Variants in ADAMTS6 observed in about 807,000 individuals in gnomAD.
ADAMTS6 encodes A disintegrin and metalloproteinase with thrombospondin motifs 6.
Under a neutral mutation model 144.3 loss-of-function variants are expected in ADAMTS6, and 23 were observed. The observed-to-expected ratio is 0.16, with a 90% CI of 0.11 to 0.23. The LOEUF is 0.23. ADAMTS6 is among the 10% of genes least tolerant of loss of function. The pLI is 1.00. For synonymous variants in ADAMTS6, 444 were observed against 457.5 expected (o/e 0.97, Z 0.38); for missense variants, 999 against 1,379.6 (o/e 0.72, Z 4.37).
At chr5:65,343,305 T>C (rs1479301421) in intron 7 of ADAMTS6, among the ~76,000 whole-genome samples, 1 of 152,066 alleles carries the variant, frequency 6.6e-6, no homozygotes, top group Non-Finnish European at 1.5e-5. Flanking sequence ...ATTACGAAGC[T>C]GCAGTAACCA....
intron 20 of ADAMTS6, among the ~76,000 whole-genome samples, chr5:65,200,828 C>T (rs548742889): frequency 3.2e-4 from 48 of 151,840 alleles, no homozygotes; most frequent in Non-Finnish European, 6.5e-4. Flanking sequence ...TACTTTAAAC[C>T]CTCTACAAAA....
chr5:65,303,104 A>G (rs1743596971), intron 9 of ADAMTS6, among the ~76,000 whole-genome samples: 2 of 152,144 alleles, frequency 1.3e-5, no homozygotes, highest in Admixed American at 1.3e-4. Flanking sequence ...TTTTAATTAA[A>G]CCATATCAGG....
At chr5:65,331,349 T>C (rs919020131) in intron 8 of ADAMTS6, among the ~76,000 whole-genome samples, 6 of 152,074 alleles carry the variant, frequency 3.9e-5, no homozygotes, top group Non-Finnish European at 7.4e-5. Context: ...GTATTTTCAA[T>C]TGAGAATTCT....
chr5:65,361,739 T>C (rs1236056115), intron 7 of ADAMTS6, among the ~76,000 whole-genome samples: 1 of 151,966 alleles, frequency 6.6e-6, no homozygotes, highest in African/African-American at 2.4e-5. Context: ...TTTTTCTTTT[T>C]CTTTTTTTTT....
chr5:65,301,840 G>C (rs908441403), intron 9 of ADAMTS6, among the ~76,000 whole-genome samples: 2 of 151,964 alleles, frequency 1.3e-5, no homozygotes, highest in African/African-American at 4.8e-5. Context: ...TGTAATCCCA[G>C]CGCTTTGCGA....
At chr5:65,175,355 A>G (rs1232112692) in intron 22 of ADAMTS6, among the ~76,000 whole-genome samples, 1 of 152,000 alleles carries the variant, frequency 6.6e-6, no homozygotes, top group African/African-American at 2.4e-5. Context: ...AAAGTCAAAG[A>G]GAGAAAGAAA....
intron 8 of ADAMTS6, among the ~76,000 whole-genome samples, chr5:65,333,563 A>G (rs1189965880): frequency 2.0e-5 from 3 of 151,740 alleles, no homozygotes; most frequent in Non-Finnish European, 4.4e-5. Context: ...AATTGTACCA[A>G]AAAAAGTATT....
intron 11 of ADAMTS6, among the ~76,000 whole-genome samples, chr5:65,276,015 G>A (rs1297450986): frequency 1.4e-5 from 2 of 144,758 alleles, no homozygotes; most frequent in African/African-American, 5.1e-5. Context: ...AAAACTAAGC[G>A]ATGAAAGTTC....
chr5:65,280,447 C>A (rs913795230), intron 11 of ADAMTS6, among the ~76,000 whole-genome samples: 1 of 152,148 alleles, frequency 6.6e-6, no homozygotes, highest in African/African-American at 2.4e-5. Flanking sequence ...AGCCACTAAG[C>A]CAACCACCAT....
chr5:65,224,782 TA>T, intron 17 of ADAMTS6, 141 bp downstream of exon 17: 1 of 958,806 alleles, frequency 1.0e-6, no homozygotes, highest in Non-Finnish European at 1.5e-6. Context: ...CATTTAACAC[TA>T]AAATGACTGA....
chr5:65,320,048 G>A (rs909673174), intron 9 of ADAMTS6, among the ~76,000 whole-genome samples: 10 of 152,088 alleles, frequency 6.6e-5, no homozygotes, highest in African/African-American at 2.4e-4. Context: ...TCTCCTTGTT[G>A]GTAAGGCTGG....
At chr5:65,152,809 C>A (rs934617952) in intron 24 of ADAMTS6, among the ~76,000 whole-genome samples, 2 of 152,176 alleles carry the variant, frequency 1.3e-5, no homozygotes, top group African/African-American at 4.8e-5. Flanking sequence ...CAATAATATT[C>A]TTTTCCAGTA....
rs974410868 is a variant in ADAMTS6 at position 65,149,175 on chromosome 5, T to G, written c.*2661A>C. On this transcript the variant is annotated 3_prime_UTR_variant, in exon 25 of 25. Coordinates refer to ENST00000381055, the MANE Select transcript of ADAMTS6 (RefSeq NM_197941.4). ...CAGTGGCAGATACTGCTCCCAGGTG[T>G]AGGGTACCAGTTTCCCTGGGGTTCC... The G allele has an allele frequency of 1.3e-5, 2 of 152,362 alleles. No homozygotes were observed. The highest frequency in any genetic ancestry group is 4.8e-5 in the African/African-American group (2 of 41,452). 9.4% of individuals were successfully genotyped at this position (152,362 alleles called of 1,614,324 possible). A position where few individuals can be genotyped will look rare whatever the true frequency, so the allele number is the denominator to read the frequency against.
At chr5:65,404,585 G>A (rs1297263112) in intron 7 of ADAMTS6, among the ~76,000 whole-genome samples, 2 of 152,120 alleles carry the variant, frequency 1.3e-5, no homozygotes, top group Non-Finnish European at 2.9e-5. Flanking sequence ...TTGCTATTGT[G>A]AATAATGCCA....
intron 14 of ADAMTS6, among the ~76,000 whole-genome samples, chr5:65,249,316 A>G (rs908219933): frequency 6.6e-6 from 1 of 152,098 alleles, no homozygotes; most frequent in Non-Finnish European, 1.5e-5. Context: ...GGGTCACTCC[A>G]CCAGAAAAAG....
chr5:65,407,542 T>G (rs1218357405), intron 7 of ADAMTS6, among the ~76,000 whole-genome samples: 1 of 130,636 alleles, frequency 7.7e-6, no homozygotes, highest in Non-Finnish European at 1.6e-5. Flanking sequence ...CCTGTGTCCA[T>G]GTGTTCTCAT....
chr5:65,297,755 C>G (rs1388287419), intron 10 of ADAMTS6, among the ~76,000 whole-genome samples: 1 of 151,934 alleles, frequency 6.6e-6, no homozygotes, highest in African/African-American at 2.4e-5. Context: ...GTTTAAAAAC[C>G]CTTTATTGCT....
intron 7 of ADAMTS6, among the ~76,000 whole-genome samples, chr5:65,347,107 A>G (rs905306388): frequency 6.6e-6 from 1 of 151,952 alleles, no homozygotes; most frequent in African/African-American, 2.4e-5. Context: ...ATTGGCAGAG[A>G]GTGTCCGCAC....
At chr5:65,415,958 A>G (rs912013897) in intron 7 of ADAMTS6, 2 of 181,924 alleles carry the variant, frequency 1.1e-5, no homozygotes, top group Non-Finnish European at 2.3e-5. Context: ...GGATCATCTC[A>G]GCCCCCATGC....
Sources: allele counts gnomAD v4.1 joint callset (sites outside exome capture counted in the v4.1 genomes callset), GRCh38; gene constraint gnomAD v4.1.1; transcripts MANE v1.5; gene names NCBI Gene and HGNC (gene_info 2026-07-23, HGNC 2026-07-21).